ATG7: variants seen among roughly 807,000 people sequenced by gnomAD.
The protein encoded by ATG7 is ubiquitin-like modifier-activating enzyme ATG7.
ATG7 carries 70 observed loss-of-function variants against 82.4 expected under a neutral mutation model. That is an observed-to-expected ratio of 0.85 (90% CI 0.70 to 1.04). ATG7 has a LOEUF of 1.04. ATG7 is among the 50% of genes least tolerant of loss of function. ATG7 has a pLI of 0.00. For synonymous variants in ATG7, 287 were observed against 313.0 expected (o/e 0.92, Z 0.88); for missense variants, 792 against 864.3 (o/e 0.92, Z 1.05).
intron 20 of ATG7, among the ~76,000 whole-genome samples, chr3:11,519,836 C>T (rs1018899940): frequency 6.6e-6 from 1 of 152,102 alleles, no homozygotes; most frequent in African/African-American, 2.4e-5. Context: ...GCTGGGATTA[C>T]AGGCGTGAGC....
At chr3:11,290,517 T>C in intron 3 of ATG7, 1 of 360,552 alleles carries the variant, frequency 2.8e-6, no homozygotes, top group South Asian at 2.0e-5. Flanking sequence ...GTAGTGGATC[T>C]TGGCCTTCTC....
chr3:11,495,555 G>C (rs965674618), intron 20 of ATG7, among the ~76,000 whole-genome samples: 1 of 152,190 alleles, frequency 6.6e-6, no homozygotes, highest in East Asian at 1.9e-4. Flanking sequence ...CTCCAGAAGG[G>C]TGCAGGCAGT....
chr3:11,322,350 T>C (rs1381246931), intron 9 of ATG7, among the ~76,000 whole-genome samples: 1 of 152,198 alleles, frequency 6.6e-6, no homozygotes, highest in East Asian at 1.9e-4. Context: ...GTTTGAAAAA[T>C]GCTTTGTGAC....
At chr3:11,337,010 C>T (rs1952619216) in intron 11 of ATG7, among the ~76,000 whole-genome samples, 1 of 152,198 alleles carries the variant, frequency 6.6e-6, no homozygotes, top group Admixed American at 6.5e-5. Flanking sequence ...TCTTCTTTTG[C>T]TTCCTCATGG....
chr3:11,426,241 G>A (rs368791572), intron 19 of ATG7, among the ~76,000 whole-genome samples: 55 of 152,300 alleles, frequency 3.6e-4, no homozygotes, highest in African/African-American at 1.3e-3. Flanking sequence ...TAGGTGCAAA[G>A]TAGTGTTTCA....
chr3:11,335,818 C>T (rs1206359409), intron 11 of ATG7, among the ~76,000 whole-genome samples: 1 of 152,186 alleles, frequency 6.6e-6, no homozygotes, highest in East Asian at 1.9e-4. Flanking sequence ...CAGACTCAGC[C>T]TCCCGAGTGG....
intron 11 of ATG7, among the ~76,000 whole-genome samples, chr3:11,334,622 G>A (rs1952123831): frequency 6.9e-6 from 1 of 144,446 alleles, no homozygotes. Flanking sequence ...CCATAGATAT[G>A]CCTTAAAATG....
intron 1 of ATG7, among the ~76,000 whole-genome samples, chr3:11,276,672 C>T (rs1164261291): frequency 6.6e-6 from 1 of 152,162 alleles, no homozygotes; most frequent in Non-Finnish European, 1.5e-5. Context: ...TGACCTTGCC[C>T]CTCACTTAGG....
At chr3:11,365,990 C>T (rs1197606518) in intron 18 of ATG7, among the ~76,000 whole-genome samples, 7 of 151,972 alleles carry the variant, frequency 4.6e-5, no homozygotes, top group African/African-American at 1.2e-4. Flanking sequence ...GAGGCCGAGG[C>T]GGGTGGATCA....
At chr3:11,300,113 G>A (rs958972767) in intron 5 of ATG7, among the ~76,000 whole-genome samples, 5 of 152,024 alleles carry the variant, frequency 3.3e-5, no homozygotes, top group Admixed American at 1.3e-4. Context: ...TTTTGGTAGA[G>A]ACAGTGTTTC....
At chr3:11,311,612 A>G (rs1384499639) in intron 7 of ATG7, among the ~76,000 whole-genome samples, 1 of 152,076 alleles carries the variant, frequency 6.6e-6, no homozygotes, top group African/African-American at 2.4e-5. Context: ...CCAAAAAAAA[A>G]AAAAAAAAGA....
intron 18 of ATG7, among the ~76,000 whole-genome samples, chr3:11,366,667 G>A (rs145032019): frequency 2.0e-5 from 3 of 152,226 alleles, no homozygotes; most frequent in African/African-American, 7.2e-5. Context: ...CCTTCTTTAA[G>A]TCCTTTATGT....
chr3:11,338,254 A>G (rs1952864124), intron 11 of ATG7, among the ~76,000 whole-genome samples: 1 of 152,196 alleles, frequency 6.6e-6, no homozygotes, highest in Admixed American at 6.5e-5. Context: ...AATGGCCTCC[A>G]GCTCCATCCA....
intron 20 of ATG7, among the ~76,000 whole-genome samples, chr3:11,483,864 A>G (rs1247746564): frequency 1.3e-5 from 2 of 152,210 alleles, no homozygotes; most frequent in Non-Finnish European, 2.9e-5. Context: ...TGGGCTTCGT[A>G]GGCTACATTG....
intron 20 of ATG7, among the ~76,000 whole-genome samples, chr3:11,537,830 A>G (rs2070449417): frequency 6.6e-6 from 1 of 152,002 alleles, no homozygotes; most frequent in African/African-American, 2.4e-5. Flanking sequence ...TCCTGCGGGG[A>G]AACTGAGTCC....
Position 11,476,418 on chromosome 3 carries a change from C to CTT in ATG7, c.2079+49506_2079+49507dup, listed in dbSNP as rs57639760. 5.8e-3 allele frequency among the ~76,000 whole-genome samples: 813 copies of CTT among 139,314 alleles called. 3 individuals carry two copies. Among genetic ancestry groups the CTT allele is most frequent in the Admixed American group, 0.019 (262 of 14,004 alleles). The allele number at this position is 139,314 out of a possible 152,430, so 91.4% of individuals were successfully genotyped here. ...TTGACCTGAACTTTATGTGGTTTTT[C>CTT]TTTTTTTTTTTTTTTGGTTTTTCCT... On this transcript the variant is annotated intron_variant, in intron 20 of 20. Coordinates refer to ENST00000693202, the MANE Select transcript of ATG7 (RefSeq NM_001349232.2).
chr3:11,529,315 T>C (rs1399994120), intron 20 of ATG7, among the ~76,000 whole-genome samples: 1 of 152,062 alleles, frequency 6.6e-6, no homozygotes, highest in African/African-American at 2.4e-5. Flanking sequence ...GGAGGAAAAA[T>C]CCAATAACAT....
chr3:11,562,202 T>C (rs904820368), downstream of ATG7, among the ~76,000 whole-genome samples: 3 of 151,992 alleles, frequency 2.0e-5, no homozygotes, highest in East Asian at 5.8e-4. Context: ...CAGCCCTCAA[T>C]GTGCGAAGCT....
intron 11 of ATG7, among the ~76,000 whole-genome samples, chr3:11,340,065 GGGGAAGGGAGAAGTCA>G (rs2152771783): frequency 6.6e-6 from 1 of 152,260 alleles, no homozygotes; most frequent in Non-Finnish European, 1.5e-5. Flanking sequence ...AGAGGGCTGC[GGGGAAGGGAGAAGTCA>G]GGGAAGGGAA....
Sources: allele counts gnomAD v4.1 joint callset (sites outside exome capture counted in the v4.1 genomes callset), GRCh38; gene constraint gnomAD v4.1.1; transcripts MANE v1.5; gene names NCBI Gene and HGNC (gene_info 2026-07-23, HGNC 2026-07-21).